ACTR3C: variants seen among roughly 807,000 people sequenced by gnomAD.
ACTR3C encodes the protein actin related protein 3C, also known as actin-related protein 3C.
In ACTR3C, 18 loss-of-function variants were observed where a neutral mutation model predicts 26.3. The observed-to-expected ratio is 0.68, with a 90% CI of 0.47 to 1.01. The LOEUF (loss-of-function observed/expected upper bound fraction) is 1.01. Ranked by LOEUF, ACTR3C falls within the 50% of genes least tolerant of loss-of-function variation. ACTR3C has a pLI of 0.00. For synonymous variants in ACTR3C, 55 were observed against 94.5 expected, an observed-to-expected ratio of 0.58 and a Z score of 2.42; for missense variants, 184 against 250.7, an observed-to-expected ratio of 0.73 and a Z score of 1.80.
At chr7:149,909,850 T>G in the ACTR3C span, 1 of 527,530 alleles carries the variant, frequency 1.9e-6, no homozygotes, top group Non-Finnish European at 3.3e-6. Flanking sequence ...AACAAACTTG[T>G]GATCACTGAG....
the ACTR3C span, among the ~76,000 whole-genome samples, chr7:150,209,398 A>G: frequency 6.6e-6 from 1 of 151,356 alleles, no homozygotes; most frequent in Non-Finnish European, 1.5e-5. Context: ...TGAAAAGGAT[A>G]AACTCATAGA....
the ACTR3C span, among the ~76,000 whole-genome samples, chr7:149,883,990 T>TGGAGGGAG: frequency 5.4e-5 from 8 of 146,896 alleles, no homozygotes; most frequent in Admixed American, 4.8e-4. Flanking sequence ...AGGTTTTTAG[T>TGGAGGGAG]GGAGGGAGGG....
chr7:150,010,066 G>A, the ACTR3C span, among the ~76,000 whole-genome samples: 4 of 152,240 alleles, frequency 2.6e-5, no homozygotes, highest in Admixed American at 2.0e-4. Flanking sequence ...GCTGACACCT[G>A]CTCGGCTTCA....
chr7:150,114,785 A>AT, the ACTR3C span, among the ~76,000 whole-genome samples: 1 of 151,956 alleles, frequency 6.6e-6, no homozygotes, highest in Non-Finnish European at 1.5e-5. Context: ...TATCAAAGAC[A>AT]TTTTTTCTCC....
At chr7:150,089,352 C>T in the ACTR3C span, among the ~76,000 whole-genome samples, 1 of 152,196 alleles carries the variant, frequency 6.6e-6, no homozygotes, top group Non-Finnish European at 1.5e-5. Context: ...TTCTCATTAG[C>T]ATCAGGAATG....
the ACTR3C span, among the ~76,000 whole-genome samples, chr7:150,212,059 G>A: frequency 5.4e-5 from 8 of 147,002 alleles, no homozygotes; most frequent in Non-Finnish European, 1.0e-4. Context: ...CTCCATAATA[G>A]GAAAATAATA....
the ACTR3C span, among the ~76,000 whole-genome samples, chr7:150,020,294 T>A: frequency 5.9e-5 from 9 of 152,112 alleles, no homozygotes; most frequent in African/African-American, 2.2e-4. Flanking sequence ...GAAATCTACA[T>A]GGTAAACTTT....
chr7:150,031,087 T>C, the ACTR3C span, among the ~76,000 whole-genome samples: 3 of 151,798 alleles, frequency 2.0e-5, no homozygotes, highest in Admixed American at 2.0e-4. Context: ...TGAAACCCCA[T>C]CTCTACTAAG....
the ACTR3C span, among the ~76,000 whole-genome samples, chr7:150,176,072 G>A: frequency 6.6e-6 from 1 of 150,592 alleles, no homozygotes; most frequent in Non-Finnish European, 1.5e-5. Context: ...AGTATACTAC[G>A]TTAAGAGTAT....
At chr7:149,906,794 T>A in the ACTR3C span, among the ~76,000 whole-genome samples, 1 of 89,832 alleles carries the variant, frequency 1.1e-5, no homozygotes, top group Non-Finnish European at 2.2e-5. Flanking sequence ...TCTTCACACC[T>A]GAACTCTTCC....
chr7:149,958,410 T>A, the ACTR3C span, among the ~76,000 whole-genome samples: 6 of 152,244 alleles, frequency 3.9e-5, no homozygotes, highest in Non-Finnish European at 8.8e-5. Context: ...AGCTTTCCAT[T>A]TGAGCTGTTC....
At chr7:150,264,268 C>A (rs2129610298) in intron 6 of ACTR3C, among the ~76,000 whole-genome samples, 1 of 152,376 alleles carries the variant, frequency 6.6e-6, no homozygotes. Context: ...GTGTCCAGCT[C>A]AGCACGGAAT....
chr7:149,990,883 G>A, the ACTR3C span, among the ~76,000 whole-genome samples: 1 of 152,168 alleles, frequency 6.6e-6, no homozygotes, highest in Non-Finnish European at 1.5e-5. Context: ...GTCACAGCTG[G>A]GCCCAGGGTA....
the ACTR3C span, among the ~76,000 whole-genome samples, chr7:150,128,392 C>G: frequency 2.6e-5 from 4 of 152,272 alleles, no homozygotes; most frequent in Non-Finnish European, 5.9e-5. Flanking sequence ...CTTAGAGGAG[C>G]TAGCCCCATG....
At chr7:150,276,888 TTA>T (rs1834931145) in intron 6 of ACTR3C, among the ~76,000 whole-genome samples, 1 of 152,174 alleles carries the variant, frequency 6.6e-6, no homozygotes, top group Admixed American at 6.5e-5. Flanking sequence ...TCCGTGACAG[TTA>T]ATTTTGTGTG....
chr7:150,184,807 T>C, the ACTR3C span, among the ~76,000 whole-genome samples: 3 of 147,220 alleles, frequency 2.0e-5, no homozygotes, highest in Non-Finnish European at 4.4e-5. Context: ...CATTCCTTCA[T>C]GTTTTGTTCA....
the ACTR3C span, among the ~76,000 whole-genome samples, chr7:149,900,589 A>C: frequency 1.4e-5 from 2 of 146,084 alleles, no homozygotes; most frequent in African/African-American, 5.6e-5. Context: ...AAGAAAAAAG[A>C]AAGAACAATG....
intron 6 of ACTR3C, among the ~76,000 whole-genome samples, chr7:150,252,290 A>T (rs1050931104): frequency 2.0e-5 from 3 of 152,232 alleles, no homozygotes; most frequent in Admixed American, 2.0e-4. Context: ...ACATGGACAT[A>T]TAAAGTATTC....
chr7:150,051,337 T>C, the ACTR3C span, among the ~76,000 whole-genome samples: 7 of 148,232 alleles, frequency 4.7e-5, no homozygotes, highest in South Asian at 1.5e-3. Flanking sequence ...GTATAATTAA[T>C]TCAATTCTTG....
Sources: gnomAD v4.1 joint callset for allele counts (sites outside exome capture counted in the v4.1 genomes callset) on GRCh38, gnomAD v4.1.1 for gene constraint, MANE v1.5 for transcripts, NCBI Gene and HGNC (gene_info 2026-07-23, HGNC 2026-07-21) for gene names.